Variants in CDC45 observed in about 807,000 individuals in gnomAD.
CDC45 encodes cell division control protein 45 homolog.
CDC45 carries 54 observed loss-of-function variants against 77.8 expected under a neutral mutation model. That is an observed-to-expected ratio of 0.69 (90% CI 0.56 to 0.87). The LOEUF (loss-of-function observed/expected upper bound fraction) is 0.87. Ranked by LOEUF, CDC45 falls within the 40% of genes least tolerant of loss-of-function variation. The pLI, the probability that CDC45 is intolerant of heterozygous loss-of-function variation, is 0.00. For synonymous variants in CDC45, 260 were observed against 272.1 expected (o/e 0.96, Z 0.44); for missense variants, 649 against 721.6 (o/e 0.90, Z 1.15).
At chr22:19,519,395 C>A (rs1300964478) in intron 18 of CDC45, among the ~76,000 whole-genome samples, 1 of 152,248 alleles carries the variant, frequency 6.6e-6, no homozygotes, top group Non-Finnish European at 1.5e-5. Context: ...TCTGCTGGGG[C>A]CTTCACCAGC....
chr22:19,483,381 G>A (rs1440910845), intron 4 of CDC45, among the ~76,000 whole-genome samples: 1 of 152,104 alleles, frequency 6.6e-6, no homozygotes, highest in South Asian at 2.1e-4. Flanking sequence ...GCAGTGAGCC[G>A]AGATCGTGCC....
chr22:19,479,998 C>A lies in CDC45; in HGVS notation c.30C>A (p.Phe10Leu). The change falls in exon 1 of 19, where the codon TTC becomes TTA. Residue 10 changes from phenylalanine (F) to leucine (L), a missense_variant. Phe to Leu is a conservative substitution (Grantham distance 22). Transcript: ENST00000263201. ...TCGTGTCCGATTTCCGCAAAGAGTT[C>A]TACGAGGTGGTCCAGAGCCAGGTGA... is the stretch of plus-strand genomic sequence containing the variant. MFVSDFRKE[F>L]YEVVQSQRVL... The A allele has an allele frequency of 3.1e-6, 5 of 1,613,918 alleles. No individual in the cohort carries two copies. The highest frequency in any genetic ancestry group is 3.4e-6 in the Non-Finnish European group (4 of 1,180,014).
At chr22:19,518,318 AGGGCCAGGCCAGCCCCATCCTG>A (rs1026359518) in intron 17 of CDC45, among the ~76,000 whole-genome samples, 7 of 152,178 alleles carry the variant, frequency 4.6e-5, no homozygotes, top group Admixed American at 2.6e-4. Context: ...GATGGCTCCC[AGGGCCAGGCCAGCCCCATCCTG>A]GGGCCTGGTT....
Position 19,518,549 on chromosome 22 carries a change from G to A in CDC45, c.1637-295G>A, listed in dbSNP as rs1272757642. ...CGGGGGTTCATGCCAGCTGGGGTGG[G>A]CAGGCCCGTGTTTGTCCAGGTCTGT... On this transcript the variant is annotated intron_variant, in intron 17 of 18. Coordinates refer to ENST00000263201, the MANE Select transcript of CDC45 (RefSeq NM_003504.5). Among the ~76,000 whole-genome samples, 4 of 152,326 alleles carry A rather than the reference G, an allele frequency of 2.6e-5. No individual in the cohort carries two copies. In the South Asian group the frequency reaches 8.3e-4, roughly 32 times the overall value.
At chr22:19,494,638 CTT>C (rs770750861) in intron 6 of CDC45, 38 of 1,358,720 alleles carry the variant, frequency 2.8e-5, no homozygotes, top group Non-Finnish European at 3.8e-5. Flanking sequence ...GGCCCTGGCT[CTT>C]TATTTTTATC....
chr22:19,485,015 T>C (rs935128094), intron 5 of CDC45, among the ~76,000 whole-genome samples: 5 of 152,172 alleles, frequency 3.3e-5, no homozygotes, highest in Non-Finnish European at 5.9e-5. Context: ...CACTCGATCT[T>C]CCCACTTCAG....
rs369165413 is a variant in CDC45 at position 19,504,463 on chromosome 22, C to T, written c.705-899C>T. On this transcript the variant is annotated intron_variant, in intron 9 of 18. Coordinates refer to ENST00000263201, the MANE Select transcript of CDC45 (RefSeq NM_003504.5). ...TACCAGTATGCAGCAACACGCCCGG[C>T]TAATTTTGTATTTGTAATAGAGACG... Among the ~76,000 whole-genome samples, 4 of 152,138 alleles carry T rather than the reference C, an allele frequency of 2.6e-5. No homozygotes were observed. In the East Asian group the frequency reaches 5.8e-4, roughly 22 times the overall value.
intron 17 of CDC45, among the ~76,000 whole-genome samples, chr22:19,518,478 A>G (rs1312274806): frequency 2.6e-5 from 4 of 152,206 alleles, no homozygotes; most frequent in African/African-American, 7.2e-5. Context: ...AGTGCGGCCA[A>G]AAGTGACCTG....
In CDC45 at chr22:19,505,445, T is replaced by A; in HGVS notation, c.788T>A (p.Leu263His). The A allele has an allele frequency of 6.2e-7, 1 of 1,614,034 alleles. No individual in the cohort carries two copies. Among genetic ancestry groups the A allele is most frequent in the Non-Finnish European group, 8.5e-7 (1 of 1,179,926 alleles). ...NHRNEDEENT[L>H]SVDCTRISFE... Reference sequence around the variant, plus strand: ...CGGAACGAGGATGAGGAGAACACACTCTCCGTGGACTGCACACGGATCTCC... The same window carrying A: ...CGGAACGAGGATGAGGAGAACACACACTCCGTGGACTGCACACGGATCTCC... The change falls in exon 10 of 19, where the codon CTC (leucine) becomes CAC (histidine). Residue 263 changes from leucine to histidine, a missense_variant. Leu to His is a moderately conservative substitution (Grantham distance 99). Coordinates refer to ENST00000263201, the MANE Select transcript of CDC45 (RefSeq NM_003504.5).
chr22:19,482,590 G>A (rs1280371189), intron 3 of CDC45, 100 bp from the exon 4 acceptor site: 4 of 1,317,806 alleles, frequency 3.0e-6, no homozygotes, highest in African/African-American at 1.5e-5. Context: ...CCACATGTCA[G>A]GGACTGAGTG....
At chr22:19,518,185 G>T (rs1334936621) in intron 17 of CDC45, among the ~76,000 whole-genome samples, 1 of 152,244 alleles carries the variant, frequency 6.6e-6, no homozygotes, top group Non-Finnish European at 1.5e-5. Context: ...GAGGACTCGG[G>T]CTGGGAACTG....
intron 8 of CDC45, 53 bp downstream of exon 8, chr22:19,497,500 C>T: frequency 2.1e-6 from 3 of 1,460,864 alleles, no homozygotes; most frequent in Non-Finnish European, 2.9e-6. Flanking sequence ...TTGGTCAGTG[C>T]CACATAAGCA....
intron 9 of CDC45, among the ~76,000 whole-genome samples, chr22:19,504,462 G>A (rs1231995788): frequency 6.6e-6 from 1 of 152,148 alleles, no homozygotes; most frequent in Non-Finnish European, 1.5e-5. Flanking sequence ...AACACGCCCG[G>A]CTAATTTTGT....
intron 9 of CDC45, among the ~76,000 whole-genome samples, chr22:19,502,861 A>G (rs1932952081): frequency 1.3e-5 from 2 of 152,200 alleles, no homozygotes; most frequent in Admixed American, 1.3e-4. Context: ...TCTTTTCTCA[A>G]TACCAGTAGC....
upstream of CDC45, chr22:19,479,491 G>T (rs2089935925): frequency 3.4e-6 from 2 of 593,412 alleles, no homozygotes; most frequent in East Asian, 8.6e-5. Flanking sequence ...CAGCCATCGA[G>T]GACTCGGGCG....
chr22:19,508,386 A>G (rs1601973768), intron 12 of CDC45, 144 bp from the exon 13 acceptor site: 26 of 853,436 alleles, frequency 3.0e-5, no homozygotes, highest in Middle Eastern at 3.0e-4. Context: ...GGACGTTCTG[A>G]CCTGCCTCAT....
intron 6 of CDC45, 37 bp downstream of exon 6, chr22:19,494,419 GC>G: frequency 6.2e-7 from 1 of 1,609,450 alleles, no homozygotes; most frequent in Non-Finnish European, 8.5e-7. Context: ...AGCACCAGAA[GC>G]CCACTTGCCT....
intron 9 of CDC45, among the ~76,000 whole-genome samples, chr22:19,504,537 G>A (rs960837665): frequency 6.6e-6 from 1 of 152,118 alleles, no homozygotes; most frequent in African/African-American, 2.4e-5. Flanking sequence ...GCCCTCAGGT[G>A]ATCTGCCCAC....
At chr22:19,499,591 G>T (rs1019499180) in intron 9 of CDC45, among the ~76,000 whole-genome samples, 11 of 152,316 alleles carry the variant, frequency 7.2e-5, no homozygotes, top group African/African-American at 2.6e-4. Context: ...TAAGGGGAAG[G>T]CTCCAAAGGT....
Sources: allele counts gnomAD v4.1 joint callset (sites outside exome capture counted in the v4.1 genomes callset), GRCh38; gene constraint gnomAD v4.1.1; transcripts MANE v1.5; gene names NCBI Gene and HGNC (gene_info 2026-07-23, HGNC 2026-07-21).